CAMK1D: variants seen among roughly 807,000 people sequenced by gnomAD.
The protein encoded by CAMK1D is calcium/calmodulin-dependent protein kinase type 1D.
CAMK1D carries 9 observed loss-of-function variants against 47.7 expected under a neutral mutation model. The observed-to-expected ratio is 0.19, with a 90% CI of 0.11 to 0.33. CAMK1D has a LOEUF of 0.33. Ranked by LOEUF, CAMK1D falls within the 10% of genes least tolerant of loss-of-function variation. The probability of loss-of-function intolerance (pLI) is 1.00; values close to 1 mark genes in which losing one functional copy is unlikely to be tolerated. For synonymous variants in CAMK1D, 184 were observed against 184.9 expected (o/e 0.99, Z 0.04); for missense variants, 291 against 488.7 (o/e 0.60, Z 3.81).
At chr10:12,648,019 C>T (rs909193187) in intron 2 of CAMK1D, among the ~76,000 whole-genome samples, 3 of 152,222 alleles carry the variant, frequency 2.0e-5, no homozygotes, top group Non-Finnish European at 4.4e-5. Context: ...GGAGGCCACT[C>T]TTGCCATGAT....
intron 1 of CAMK1D, among the ~76,000 whole-genome samples, chr10:12,383,526 G>T (rs549069446): frequency 1.3e-5 from 2 of 152,056 alleles, no homozygotes; most frequent in African/African-American, 4.8e-5. Context: ...TATTAAATAC[G>T]CCCATTTCAA....
At position 12,760,953 on chromosome 10, in the gene CAMK1D, C is replaced by A; in HGVS notation, c.305C>A (p.Ser102Tyr). The change falls in exon 4 of 11, where the codon TCC (serine) becomes TAC (tyrosine). Residue 102 changes from serine to tyrosine, a missense_variant. Ser to Tyr is a moderately radical substitution (Grantham distance 144). Coordinates refer to ENST00000619168, the MANE Select transcript of CAMK1D (RefSeq NM_153498.4). ...NHLYLVMQLV[S>Y]GGELFDRIVE... ...AATATGTTCTTTTTTGCCAGGGTGT[C>A]CGGTGGAGAGCTGTTTGACCGGATA... 6.2e-7 allele frequency: 1 copy of A among 1,613,142 alleles called. No homozygotes were observed. The highest frequency in any genetic ancestry group is 8.5e-7 in the Non-Finnish European group (1 of 1,179,324).
chr10:12,492,502 AC>A (rs1297770202), intron 1 of CAMK1D, among the ~76,000 whole-genome samples: 2 of 152,144 alleles, frequency 1.3e-5, no homozygotes, highest in Non-Finnish European at 2.9e-5. Flanking sequence ...TACAAAAAAT[AC>A]AAAAAATTAG....
intron 1 of CAMK1D, among the ~76,000 whole-genome samples, chr10:12,538,576 G>A (rs766136024): frequency 6.6e-6 from 1 of 152,172 alleles, no homozygotes; most frequent in African/African-American, 2.4e-5. Context: ...TTTCCAGAAC[G>A]TATTGCTGAC....
At chr10:12,721,379 A>C (rs1267520223) in intron 3 of CAMK1D, among the ~76,000 whole-genome samples, 2 of 152,210 alleles carry the variant, frequency 1.3e-5, no homozygotes, top group East Asian at 3.8e-4. Flanking sequence ...ATAGGATTTA[A>C]TCACAGGAAA....
At chr10:12,350,912 G>A (rs1837335964) in intron 1 of CAMK1D, among the ~76,000 whole-genome samples, 1 of 152,246 alleles carries the variant, frequency 6.6e-6, no homozygotes, top group African/African-American at 2.4e-5. Context: ...GGTTCATGGA[G>A]GTGTTGATTA....
chr10:12,483,150 C>T, intron 1 of CAMK1D, among the ~76,000 whole-genome samples: 1 of 152,168 alleles, frequency 6.6e-6, no homozygotes, highest in East Asian at 1.9e-4. Flanking sequence ...CTGTGGGAGA[C>T]TCCATTCTGT....
chr10:12,433,289 G>C (rs764517181), intron 1 of CAMK1D, among the ~76,000 whole-genome samples: 1 of 152,034 alleles, frequency 6.6e-6, no homozygotes, highest in Non-Finnish European at 1.5e-5. Flanking sequence ...CATCCTACCA[G>C]CTGCCCTCCC....
At chr10:12,802,481 C>T (rs745529716) in intron 6 of CAMK1D, among the ~76,000 whole-genome samples, 6 of 152,126 alleles carry the variant, frequency 3.9e-5, no homozygotes, top group Admixed American at 1.3e-4. Context: ...TAGAACATTC[C>T]GCATTGATTT....
chr10:12,740,471 G>A lies in CAMK1D; in HGVS notation c.300-20477G>A, dbSNP rs1243015962. ...AAATCAGCCAGACGTGGTGGCAAGT[G>A]CCTGTAGTCCCAGCTACTCGGGAGG... On this transcript the variant is annotated intron_variant, in intron 3 of 10. Coordinates refer to ENST00000619168, the MANE Select transcript of CAMK1D (RefSeq NM_153498.4). Among the ~76,000 whole-genome samples the A allele has an allele frequency of 3.3e-5, 5 of 152,190 alleles. No individual in the cohort carries two copies. In the East Asian group the frequency reaches 7.7e-4, roughly 23 times the overall value.
chr10:12,764,376 T>C (rs2493778), intron 4 of CAMK1D, among the ~76,000 whole-genome samples: 449 of 2,640 alleles, frequency 0.17, 5 homozygotes, highest in Admixed American at 0.28. Context: ...AATGACACTT[T>C]GTCTCAAAAA....
intron 2 of CAMK1D, among the ~76,000 whole-genome samples, chr10:12,616,336 A>G (rs78111606): frequency 6.6e-6 from 1 of 152,214 alleles, no homozygotes; most frequent in Non-Finnish European, 1.5e-5. Flanking sequence ...GGACAGTAAT[A>G]GGAGTAGCTA....
intron 1 of CAMK1D, among the ~76,000 whole-genome samples, chr10:12,447,364 G>A (rs376667262): frequency 6.6e-6 from 1 of 152,278 alleles, no homozygotes; most frequent in East Asian, 1.9e-4. Context: ...GCCTCTGCTG[G>A]CCACTGGGCA....
chr10:12,628,036 G>T (rs1180848039), intron 2 of CAMK1D, among the ~76,000 whole-genome samples: 1 of 151,186 alleles, frequency 6.6e-6, no homozygotes, highest in Non-Finnish European at 1.5e-5. Context: ...AACCAAGATT[G>T]TGCCACTGCA....
chr10:12,571,568 T>C (rs982093613), intron 2 of CAMK1D, among the ~76,000 whole-genome samples: 1 of 152,110 alleles, frequency 6.6e-6, no homozygotes, highest in African/African-American at 2.4e-5. Context: ...TGCATTTGTA[T>C]ATTTACCTGT....
At chr10:12,779,188 C>A (rs768269918) in intron 5 of CAMK1D, among the ~76,000 whole-genome samples, 1 of 152,090 alleles carries the variant, frequency 6.6e-6, no homozygotes, top group Non-Finnish European at 1.5e-5. Context: ...ATGGTATTGA[C>A]CAAGATTGGG....
At chr10:12,449,826 C>G (rs1833030462) in intron 1 of CAMK1D, among the ~76,000 whole-genome samples, 1 of 152,070 alleles carries the variant, frequency 6.6e-6, no homozygotes, top group Non-Finnish European at 1.5e-5. Flanking sequence ...TGGCGAAACC[C>G]CACCTCTACT....
chr10:12,469,668 G>A (rs1033138907), intron 1 of CAMK1D, among the ~76,000 whole-genome samples: 3 of 152,160 alleles, frequency 2.0e-5, no homozygotes, highest in Non-Finnish European at 4.4e-5. Context: ...GTGTTTATTA[G>A]TATATTATTT....
chr10:12,711,915 C>A (rs1214288112), intron 3 of CAMK1D, among the ~76,000 whole-genome samples: 1 of 152,136 alleles, frequency 6.6e-6, no homozygotes. Flanking sequence ...TAGATGTATA[C>A]CTCCCATAAA....
Sources: allele counts gnomAD v4.1 joint callset (sites outside exome capture counted in the v4.1 genomes callset), GRCh38; gene constraint gnomAD v4.1.1; transcripts MANE v1.5; gene names NCBI Gene and HGNC (gene_info 2026-07-23, HGNC 2026-07-21).